The following SPATA20 variants were observed in gnomAD, a reference collection of about 807,000 sequenced individuals.
SPATA20 encodes spermatogenesis-associated protein 20.
SPATA20 carries 74 observed loss-of-function variants against 98.9 expected under a neutral mutation model. That is an observed-to-expected ratio of 0.75 (90% CI 0.62 to 0.91). SPATA20 has a LOEUF of 0.91. SPATA20 is among the 40% of genes least tolerant of loss of function. The pLI is 0.00. For synonymous variants in SPATA20, 430 were observed against 440.5 expected (o/e 0.98, Z 0.30); for missense variants, 1,016 against 1,069.8 (o/e 0.95, Z 0.70).
At position 50,550,702 on chromosome 17, in the gene SPATA20, C is replaced by T. The variant is rs924129965; in HGVS notation, c.1174-6C>T. On this transcript the variant is annotated splice_polypyrimidine_tract_variant and splice_region_variant and intron_variant, in intron 10 of 16. Transcript: ENST00000006658. ...CCGGGGCCAGCCAACTCTCCCCTCC[C>T]CACAGTCCGGAGGCTTCTATAGCGC... is the stretch of plus-strand genomic sequence containing the variant. The T allele has an allele frequency of 1.9e-6, 3 of 1,613,128 alleles. No individual in the cohort carries two copies. In the African/African-American group the frequency reaches 4.0e-5, roughly 22 times the overall value.
intron 7 of SPATA20, among the ~76,000 whole-genome samples, chr17:50,549,708 C>G (rs1689647236): frequency 6.6e-6 from 1 of 152,236 alleles, no homozygotes; most frequent in South Asian, 2.1e-4. Flanking sequence ...TGTCCCCTGA[C>G]TTGGTCAGTG....
chr17:50,547,269 C>A lies in SPATA20; in HGVS notation c.61C>A (p.Leu21Ile). 7.2e-7 allele frequency: 1 copy of A among 1,384,960 alleles called. No homozygotes were observed. The highest frequency in any genetic ancestry group is 9.3e-7 in the Non-Finnish European group (1 of 1,077,942). 85.8% of individuals were successfully genotyped at this position (1,384,960 alleles called of 1,614,324 possible). ...VLLLPRAGAG[L>I]AASRRCPGVW... ...TCTGCTGCCCCGCGCCGGTGCAGGC[C>A]TCGCCGCGAGCCGCAGGTACGGGCG... The change falls in exon 1 of 17, where the codon CTC becomes ATC. Residue 21 changes from leucine to isoleucine, a missense_variant. Transcript: ENST00000006658.
rs150357045 is a variant in SPATA20 at position 50,551,639 on chromosome 17, C to T, written c.1705C>T (p.Arg569Trp). ...TGATGTGGCCAGTGGCCGCCTGATG[C>T]GGACCTGCTACACCGGCCCTGGGGG... ...MFDVASGRLM[R>W]TCYTGPGGTV... The change falls in exon 13 of 17, where the codon CGG (arginine) becomes TGG (tryptophan). Residue 569 changes from arginine (R) to tryptophan (W), a missense_variant. By Grantham distance (101) the Arg-to-Trp change is moderately radical (BLOSUM62 -3). Coordinates refer to ENST00000006658, the MANE Select transcript of SPATA20 (RefSeq NM_022827.4). The T allele has an allele frequency of 3.8e-6, 6 of 1,599,424 alleles. No individual in the cohort carries two copies. The highest frequency in any genetic ancestry group is 1.7e-4 in the Middle Eastern group (1 of 5,990).
At chr17:50,553,749 G>T (rs2035051670) in intron 14 of SPATA20, among the ~76,000 whole-genome samples, 1 of 152,100 alleles carries the variant, frequency 6.6e-6, no homozygotes, top group Non-Finnish European at 1.5e-5. Flanking sequence ...ACCACTGATG[G>T]AGAGAAGTGG....
At chr17:50,548,986 T>C (rs1371933251) in intron 5 of SPATA20, 22 bp downstream of exon 5, 5 of 1,613,684 alleles carry the variant, frequency 3.1e-6, no homozygotes, top group Admixed American at 1.7e-5. Flanking sequence ...TCCTCGGGAG[T>C]GTATGCGCCA....
At position 50,548,287 on chromosome 17, in the gene SPATA20, A is replaced by G; in HGVS notation, c.130A>G (p.Ser44Gly). Residue 44 changes from serine (S) to glycine (G), a missense_variant, in exon 3 of 17, where the codon AGC becomes GGC. Physicochemically the swap from Ser to Gly is moderately conservative, Grantham distance 56 (BLOSUM62 0). Transcript: ENST00000006658. ...TGATGCACCAGTCCTCGCCAGGGGT[A>G]GCTCCTCCCGGGACAAGGACCGAAG... is the stretch of plus-strand genomic sequence containing the variant. ...TWPHRSPSRGSSSRDKDRSAT... is the reference protein window; with the variant it reads ...TWPHRSPSRGGSSRDKDRSAT... 1.2e-6 allele frequency: 2 copies of G among 1,613,192 alleles called. No individual in the cohort carries two copies. Among genetic ancestry groups the G allele is most frequent in the East Asian group, 2.2e-5 (1 of 44,862 alleles).
At chr17:50,547,618 T>G in intron 1 of SPATA20, 102 bp from the exon 2 acceptor site, 1 of 760,520 alleles carries the variant, frequency 1.3e-6, no homozygotes, top group Non-Finnish European at 2.5e-6. Flanking sequence ...TAGTACCCTG[T>G]GCCCTGTCAC....
chr17:50,554,404 C>T lies in SPATA20; in HGVS notation c.2111C>T (p.Pro704Leu), dbSNP rs1262336452. Residue 704 changes from proline (P) to leucine (L), a missense_variant, in exon 15 of 17, where the codon CCC becomes CTC. Pro to Leu is a moderately conservative substitution (Grantham distance 98, BLOSUM62 -3). Transcript: ENST00000006658. ...ERMRRVPVAL[P>L]EMVRALSAQQ... Reference sequence around the variant, plus strand: ...ATGCGTCGTGTCCCGGTGGCGTTGCCCGAGATGGTCCGCGCCCTCTCAGCC... The same window carrying T: ...ATGCGTCGTGTCCCGGTGGCGTTGCTCGAGATGGTCCGCGCCCTCTCAGCC... 6.2e-7 allele frequency: 1 copy of T among 1,613,606 alleles called. No homozygotes were observed. The highest frequency in any genetic ancestry group is 1.1e-5 in the South Asian group (1 of 91,076).
chr17:50,547,337 C>T (rs906008666), intron 1 of SPATA20, 52 bp downstream of exon 1: 1 of 1,368,546 alleles, frequency 7.3e-7, no homozygotes, highest in Non-Finnish European at 9.6e-7. Flanking sequence ...TGCCTGCGGG[C>T]CCAGTGGAGG....
chr17:50,555,530 G>T lies in SPATA20; in HGVS notation c.2277G>T (p.Leu759=). 1 of 1,613,996 alleles carries T rather than the reference G, an allele frequency of 6.2e-7. No homozygotes were observed. The highest frequency in any genetic ancestry group is 1.1e-5 in the South Asian group (1 of 91,078). ...ILADGDPSSF[L]SRQLPFLSTL... is the part of the protein sequence containing the mutation. ...CTGATGGGGACCCCTCGAGCTTCCT[G>T]TCCCGCCAGCTGCCTTTCCTGAGTA... Residue 759 remains leucine, a synonymous_variant, in exon 17 of 17, where the codon CTG becomes CTT. Transcript: ENST00000006658.
intron 13 of SPATA20, 97 bp from the exon 14 acceptor site, chr17:50,551,872 G>A: frequency 7.8e-7 from 1 of 1,278,456 alleles, no homozygotes; most frequent in South Asian, 1.4e-5. Flanking sequence ...GGTTCATCTG[G>A]AGGGTTAAGT....
intron 13 of SPATA20, 73 bp downstream of exon 13, chr17:50,551,752 C>G (rs1043919955): frequency 6.7e-7 from 1 of 1,486,544 alleles, no homozygotes; most frequent in Non-Finnish European, 9.1e-7. Context: ...CTACTTCTCC[C>G]CTCCATGTGG....
intron 2 of SPATA20, 134 bp downstream of exon 2, chr17:50,547,901 G>T (rs1418068531): frequency 1.3e-5 from 18 of 1,396,656 alleles, no homozygotes; most frequent in African/African-American, 2.9e-5. Flanking sequence ...GCCACACCCA[G>T]GCCTGCCAGA....
At chr17:50,549,632 A>G (rs566464237) in intron 7 of SPATA20, 145 bp downstream of exon 7, 8 of 808,634 alleles carry the variant, frequency 9.9e-6, no homozygotes, top group African/African-American at 1.7e-5. Flanking sequence ...GTCGGTAGCT[A>G]TCGGTGAAGA....
intron 5 of SPATA20, 21 bp from the exon 6 acceptor site, chr17:50,549,022 C>T: frequency 6.2e-7 from 1 of 1,613,858 alleles, no homozygotes. Context: ...GCTCCCCTCA[C>T]CCTCGCCCTC....
intron 12 of SPATA20, 107 bp from the exon 13 acceptor site, chr17:50,551,404 G>C: frequency 1.5e-6 from 2 of 1,359,496 alleles, no homozygotes; most frequent in Non-Finnish European, 2.0e-6. Context: ...AAGATCTTAG[G>C]GATCACCCAT....
rs113528312 is a variant in SPATA20 at position 50,554,051 on chromosome 17, G to A, written c.1958-200G>A. ...AACAGTTGAGGCTAGGACAGGTAGA[G>A]TGGAGGGTGCCATAAAAAAGACAGC... is the stretch of plus-strand genomic sequence containing the variant. On this transcript the variant is annotated intron_variant, in intron 14 of 16. Transcript: ENST00000006658. Among the ~76,000 whole-genome samples, 1,514 of 152,290 alleles carry A rather than the reference G, an allele frequency of 9.9e-3. 32 individuals are homozygous for A. Among genetic ancestry groups the A allele is most frequent in the African/African-American group, 0.034 (1,422 of 41,530 alleles).
At chr17:50,547,891 GCCACACC>G (rs1567908289) in intron 2 of SPATA20, 124 bp downstream of exon 2, 1 of 1,327,196 alleles carries the variant, frequency 7.5e-7, no homozygotes, top group Admixed American at 1.9e-5. Flanking sequence ...TTCCAGTGGG[GCCACACC>G]CAGGCCTGCC....
intron 1 of SPATA20, 159 bp downstream of exon 1, chr17:50,547,444 C>T (rs1202821855): frequency 3.0e-6 from 2 of 660,300 alleles, no homozygotes; most frequent in Middle Eastern, 3.9e-4. Flanking sequence ...AGACCTGGCT[C>T]TGGCTGTAAG....
Sources: gnomAD v4.1 joint callset for allele counts (sites outside exome capture counted in the v4.1 genomes callset) on GRCh38, gnomAD v4.1.1 for gene constraint, MANE v1.5 for transcripts, NCBI Gene and HGNC (gene_info 2026-07-23, HGNC 2026-07-21) for gene names.